Variants in SYTL2 observed in about 807,000 individuals in gnomAD.
The protein encoded by SYTL2 is synaptotagmin-like protein 2.
SYTL2 carries 165 observed loss-of-function variants against 198.7 expected under a neutral mutation model. The ratio of observed to expected loss-of-function variants is 0.83; its 90% confidence interval spans 0.73 to 0.94. The LOEUF is 0.94. Ranked by LOEUF, SYTL2 falls within the 40% of genes least tolerant of loss-of-function variation. The pLI is 0.00. For missense variants in SYTL2, 2,835 were observed against 2,582.8 expected, an observed-to-expected ratio of 1.10 and a Z score of -2.12; for synonymous variants, 966 against 917.7, an observed-to-expected ratio of 1.05 and a Z score of -0.95.
At position 85,737,651 on chromosome 11, in the gene SYTL2, C is replaced by A. The variant is rs373478538; in HGVS notation, c.395G>T (p.Ser132Ile). 2.7e-5 allele frequency: 44 copies of A among 1,612,854 alleles called. 1 individual carries two copies. The highest frequency in any genetic ancestry group is 3.6e-5 in the Non-Finnish European group (42 of 1,179,064). Residue 132 changes from serine (S) to isoleucine (I), a missense_variant, in exon 5 of 20, where the codon AGT becomes ATT. Ser to Ile is a moderately radical substitution (Grantham distance 142). This residue lies in a region of SYTL2 where 2,645 missense variants were observed against 2,381.7 expected (regional missense o/e 1.11). Transcript: ENST00000359152. ...CACACTGGAAGCTGGATTTACCACA[C>A]TGGAACTGCAAAAGAAACAATAATT... ...EDAAPASPSS[S>I]VVNPASSVID...
intron 5 of SYTL2, 69 bp from the exon 6 acceptor site, chr11:85,736,684 C>T: frequency 2.5e-6 from 2 of 792,136 alleles, no homozygotes; most frequent in South Asian, 3.1e-5. Flanking sequence ...TGGCAAATGC[C>T]TATTATCTTC....
intron 15 of SYTL2, among the ~76,000 whole-genome samples, chr11:85,706,313 G>A (rs2085134635): frequency 6.6e-6 from 1 of 152,258 alleles, no homozygotes; most frequent in South Asian, 2.1e-4. Flanking sequence ...CAGATCTGAG[G>A]TGCCCAAAGA....
At chr11:85,701,510 C>T (rs2084297238) in intron 16 of SYTL2, among the ~76,000 whole-genome samples, 1 of 152,154 alleles carries the variant, frequency 6.6e-6, no homozygotes. Context: ...CTTTCAAATT[C>T]TGGCTCTTTA....
chr11:85,792,253 T>C (rs183306904), intron 1 of SYTL2, among the ~76,000 whole-genome samples: 89 of 152,062 alleles, frequency 5.9e-4, no homozygotes, highest in African/African-American at 2.0e-3. Flanking sequence ...AGGGGTGACT[T>C]GGGGCTCTGC....
At chr11:85,781,217 A>G (rs1369859476) in intron 1 of SYTL2, among the ~76,000 whole-genome samples, 1 of 152,174 alleles carries the variant, frequency 6.6e-6, no homozygotes, top group African/African-American at 2.4e-5. Context: ...ATCCTTCTTC[A>G]CATGGTAGCA....
intron 13 of SYTL2, among the ~76,000 whole-genome samples, chr11:85,710,912 G>T (rs1035859882): frequency 2.6e-5 from 4 of 151,868 alleles, no homozygotes; most frequent in African/African-American, 7.3e-5. Context: ...ACCCCACAAA[G>T]ATTTGTTTAT....
intron 9 of SYTL2, chr11:85,719,289 A>G (rs1214077525): frequency 8.6e-7 from 1 of 1,167,640 alleles, no homozygotes; most frequent in African/African-American, 1.6e-5. Context: ...AAGTCAACTG[A>G]AGAGATGTAA....
intron 1 of SYTL2, among the ~76,000 whole-genome samples, chr11:85,765,483 C>G (rs909772108): frequency 2.0e-5 from 3 of 152,220 alleles, no homozygotes; most frequent in African/African-American, 4.8e-5. Flanking sequence ...GATCTGCCCA[C>G]CTTGTCCTCC....
chr11:85,816,588 C>T, the SYTL2 span, among the ~76,000 whole-genome samples: 4 of 152,128 alleles, frequency 2.6e-5, no homozygotes, highest in East Asian at 1.9e-4. Flanking sequence ...TGTGACTGTA[C>T]TTCATACCAT....
chr11:85,755,401 G>A (rs1428036543), intron 2 of SYTL2, among the ~76,000 whole-genome samples: 1 of 152,180 alleles, frequency 6.6e-6, no homozygotes, highest in African/African-American at 2.4e-5. Context: ...GGTAGGGCTT[G>A]ACTCACACCA....
chr11:85,720,920 T>C lies in SYTL2; in HGVS notation c.5366A>G (p.Glu1789Gly). The C allele has an allele frequency of 1.2e-6, 2 of 1,613,616 alleles. No individual in the cohort carries two copies. The highest frequency in any genetic ancestry group is 1.6e-4 in the Middle Eastern group (1 of 6,062). Reference sequence around the variant, plus strand: ...AGGCATTTTCCTAGCGGCACTCCTTTCCAAAGTTTTCAAAACAGGACTGGG... The same window carrying C: ...AGGCATTTTCCTAGCGGCACTCCTTCCCAAAGTTTTCAAAACAGGACTGGG... Reference protein sequence around the residue: ...EEPSPVLKTLERSAARKMPSK... With the variant: ...EEPSPVLKTLGRSAARKMPSK... The change falls in exon 9 of 20, where the codon GAA becomes GGA. Residue 1789 changes from glutamate (E) to glycine (G), a missense_variant. Coordinates refer to ENST00000359152, the MANE Select transcript of SYTL2 (RefSeq NM_206927.4).
At chr11:85,826,504 T>C in the SYTL2 span, among the ~76,000 whole-genome samples, 5 of 152,190 alleles carry the variant, frequency 3.3e-5, no homozygotes, top group African/African-American at 9.6e-5. Flanking sequence ...CTTGAGGCAA[T>C]GTCCAGAGGT....
intron 1 of SYTL2, among the ~76,000 whole-genome samples, chr11:85,793,020 G>C (rs998956848): frequency 6.6e-6 from 1 of 151,908 alleles, no homozygotes; most frequent in African/African-American, 2.4e-5. Context: ...TCTTAATCCA[G>C]TCTATCATTG....
chr11:85,705,090 C>T, intron 15 of SYTL2, 62 bp from the exon 16 acceptor site: 1 of 1,354,802 alleles, frequency 7.4e-7, no homozygotes, highest in Non-Finnish European at 1.0e-6. Flanking sequence ...AGTTATAACA[C>T]AGAGATGAAG....
At chr11:85,844,228 G>C in the SYTL2 span, among the ~76,000 whole-genome samples, 1 of 152,122 alleles carries the variant, frequency 6.6e-6, no homozygotes, top group East Asian at 1.9e-4. Flanking sequence ...CATTTACATA[G>C]AATAAGAAAG....
intron 7 of SYTL2, among the ~76,000 whole-genome samples, chr11:85,731,610 G>A (rs2089837080): frequency 6.6e-6 from 1 of 152,064 alleles, no homozygotes; most frequent in East Asian, 1.9e-4. Flanking sequence ...TTAAATGTAA[G>A]CCCTAAAACC....
Position 85,724,839 on chromosome 11 carries a change from C to T in SYTL2, c.4519G>A (p.Glu1507Lys). The T allele has an allele frequency of 6.2e-7, 1 of 1,613,398 alleles. No homozygotes were observed. Among genetic ancestry groups the T allele is most frequent in the Admixed American group, 1.7e-5 (1 of 59,868 alleles). ...TTTGAGGGGAAGGTTTCAGTTTCTT[C>T]CTTCAGTAGTTTTTCTAAGCCAGCA... ...FSAGLEKLLKEETETFPSKYE... is the reference protein window; with the variant it reads ...FSAGLEKLLKKETETFPSKYE... The change falls in exon 8 of 20, where the codon GAA becomes AAA. Residue 1507 changes from glutamate to lysine, a missense_variant. Glu to Lys is a moderately conservative substitution (Grantham distance 56). Transcript: ENST00000359152.
chr11:85,852,681 T>C, the SYTL2 span: 23 of 203,802 alleles, frequency 1.1e-4, no homozygotes, highest in African/African-American at 4.3e-4. Context: ...CAGTGCTCAA[T>C]GTTGCCCAGG....
intron 1 of SYTL2, among the ~76,000 whole-genome samples, chr11:85,771,220 G>A (rs1049574166): frequency 6.6e-6 from 1 of 152,154 alleles, no homozygotes; most frequent in Non-Finnish European, 1.5e-5. Flanking sequence ...TTCCTGACCG[G>A]TGTAGTCTAA....
Sources: allele counts gnomAD v4.1 joint callset (sites outside exome capture counted in the v4.1 genomes callset), GRCh38; gene constraint gnomAD v4.1.1; regional missense constraint gnomAD v4.1.1; transcripts MANE v1.5; gene names NCBI Gene and HGNC (gene_info 2026-07-23, HGNC 2026-07-21).